POM121: variants seen among roughly 807,000 people sequenced by gnomAD.
POM121 encodes the protein nuclear envelope pore membrane protein POM 121.
A neutral mutation model predicts 81.3 loss-of-function variants in POM121; 32 were observed. That is an observed-to-expected ratio of 0.39 (90% CI 0.30 to 0.53). The LOEUF (loss-of-function observed/expected upper bound fraction) is 0.53. POM121 is among the 20% of genes least tolerant of loss of function. POM121 has a pLI of 0.66. For synonymous variants in POM121, 514 were observed against 694.2 expected, an observed-to-expected ratio of 0.74 and a Z score of 4.08; for missense variants, 1,138 against 1,614.6, an observed-to-expected ratio of 0.70 and a Z score of 5.06.
downstream of POM121, chr7:72,949,131 G>A (rs755563408): frequency 7.0e-7 from 1 of 1,436,058 alleles, no homozygotes; most frequent in Non-Finnish European, 9.8e-7. Flanking sequence ...CGGTTACACA[G>A]CTTCACAGGC....
chr7:72,907,891 T>G (rs1192220200), intron 3 of POM121, among the ~76,000 whole-genome samples: 1 of 152,222 alleles, frequency 6.6e-6, no homozygotes, highest in Non-Finnish European at 1.5e-5. Context: ...CGTTTGCTGT[T>G]GTCCCATTGT....
Position 72,926,325 on chromosome 7 carries a change from G to A in POM121, c.708G>A (p.Gln236=). The change falls in exon 2 of 13, where the codon CAG becomes CAA. Residue 236 remains glutamine (Q), a synonymous_variant. Transcript: ENST00000434423. ...CTAGAAGACGCTATCCGATCCATCA[G>A]GCCCAGTATTCCTGTCTGGGGGTAC... is the stretch of plus-strand genomic sequence containing the variant. ...ITPRRRYPIH[Q]AQYSCLGVLP... 1 of 1,610,016 alleles carries A rather than the reference G, an allele frequency of 6.2e-7. No homozygotes were observed. Among genetic ancestry groups the A allele is most frequent in the Non-Finnish European group, 8.5e-7 (1 of 1,177,870 alleles).
intron 5 of POM121, 59 bp from the exon 6 acceptor site, chr7:72,938,531 T>C: frequency 1.3e-6 from 2 of 1,524,010 alleles, no homozygotes; most frequent in Non-Finnish European, 1.8e-6. Context: ...GACTTTGTCG[T>C]GTTGAGGGTC....
At chr7:72,882,775 C>T (rs1368234744) in intron 1 of POM121, among the ~76,000 whole-genome samples, 1 of 152,222 alleles carries the variant, frequency 6.6e-6, no homozygotes, top group Admixed American at 6.5e-5. Context: ...TTCCTCATTT[C>T]TGTTTCTCAT....
chr7:72,899,508 C>T (rs1204765220), intron 3 of POM121, among the ~76,000 whole-genome samples: 2 of 151,534 alleles, frequency 1.3e-5, no homozygotes, highest in East Asian at 1.9e-4. Context: ...TGTTCCAGAT[C>T]ATGATTTCTC....
In POM121 at chr7:72,897,106, C is replaced by T. The variant is rs566985728; in HGVS notation, c.-216+5996C>T. Among the ~76,000 whole-genome samples, 302 of 150,974 alleles carry T rather than the reference C, an allele frequency of 2.0e-3. 1 individual carries two copies. The highest frequency in any genetic ancestry group is 6.6e-3 in the African/African-American group (272 of 41,146). The stretch of plus-strand genomic sequence containing the variant: ...GTCTAAGGTTGCAGTGAGCCGAGAT[C>T]GTGCCACTGTACTCCAGCCTGGGCA... On this transcript the variant is annotated intron_variant, in intron 3 of 15. Coordinates refer to the POM121 transcript ENST00000395270.
At chr7:72,891,100 A>T in exon 3 of POM121, 4 of 1,144,990 alleles carry the variant, frequency 3.5e-6, no homozygotes, top group South Asian at 2.6e-5. Flanking sequence ...TTCCATGTCA[A>T]CATAGTCCAG....
chr7:72,888,650 C>T lies in POM121; in HGVS notation c.-520-1977C>T, dbSNP rs553383189. On this transcript the variant is annotated intron_variant, in intron 1 of 15. Coordinates refer to the POM121 transcript ENST00000395270. ...CCCTGTTAAGTAAAATCCTGACTTT[C>T]GGACCGAGAAGACTGAGGCATAAGA... Among the ~76,000 whole-genome samples, 1,263 of 150,632 alleles carry T rather than the reference C, an allele frequency of 8.4e-3. 19 individuals carry two copies. The highest frequency in any genetic ancestry group is 0.028 in the African/African-American group (1,140 of 40,276).
upstream of POM121, chr7:72,924,710 C>T (rs1434691035): frequency 5.7e-6 from 1 of 176,944 alleles, no homozygotes; most frequent in Non-Finnish European, 1.2e-5. Flanking sequence ...AATCGTCCCA[C>T]GTTTTCAATT....
At chr7:72,880,605 C>T (rs1563127519) in intron 1 of POM121, among the ~76,000 whole-genome samples, 2 of 152,030 alleles carry the variant, frequency 1.3e-5, no homozygotes, top group Admixed American at 6.6e-5. Context: ...TAAGAAAATG[C>T]GGGCGGGATG....
At chr7:72,930,751 T>C (rs1292662034) in intron 5 of POM121, among the ~76,000 whole-genome samples, 1 of 152,138 alleles carries the variant, frequency 6.6e-6, no homozygotes, top group Admixed American at 6.5e-5. Context: ...CCCATCACTT[T>C]GGGAGGTCAA....
At chr7:72,903,830 T>G (rs1792954456) in intron 3 of POM121, among the ~76,000 whole-genome samples, 1 of 152,218 alleles carries the variant, frequency 6.6e-6, no homozygotes, top group Admixed American at 6.5e-5. Flanking sequence ...CACCTAGGCT[T>G]GAGTGCAGTG....
chr7:72,910,313 A>G (rs1291113876), intron 3 of POM121, among the ~76,000 whole-genome samples: 5 of 152,356 alleles, frequency 3.3e-5, no homozygotes, highest in Middle Eastern at 3.4e-3. Context: ...AAAAATATAT[A>G]TCAACTGTTC....
At chr7:72,937,673 G>A (rs1457039765) in intron 5 of POM121, among the ~76,000 whole-genome samples, 1 of 152,158 alleles carries the variant, frequency 6.6e-6, no homozygotes, top group Admixed American at 6.5e-5. Context: ...TTTTCAAGTA[G>A]GAAAGACGGT....
intron 3 of POM121, among the ~76,000 whole-genome samples, chr7:72,899,047 A>G (rs62463397): frequency 0.021 from 2,672 of 126,694 alleles, 41 homozygotes; most frequent in Non-Finnish European, 0.029. Context: ...GAGTTGTGCC[A>G]TCTCAGCTCA....
chr7:72,913,511 A>G (rs756709109), intron 3 of POM121, among the ~76,000 whole-genome samples: 19 of 152,206 alleles, frequency 1.2e-4, no homozygotes, highest in Non-Finnish European at 2.6e-4. Flanking sequence ...GTTTGGGAGC[A>G]GGGATTGGCT....
intron 4 of POM121, among the ~76,000 whole-genome samples, chr7:72,917,319 T>C (rs1241707380): frequency 2.6e-5 from 4 of 152,216 alleles, no homozygotes. Flanking sequence ...GCACCACAGC[T>C]TTTCTTCAGC....
chr7:72,945,994 T>C (rs1461746230), intron 12 of POM121, 143 bp from the exon 13 acceptor site: 16 of 1,444,874 alleles, frequency 1.1e-5, no homozygotes, highest in Non-Finnish European at 1.4e-5. Flanking sequence ...GCTTCTCCCG[T>C]ACAGTGTTTC....
Position 72,945,707 on chromosome 7 carries a change from C to A in POM121, c.3651C>A (p.Phe1217Leu). The change falls in exon 12 of 13, where the codon TTC becomes TTA. Residue 1217 changes from phenylalanine to leucine, a missense_variant and splice_region_variant. Coordinates refer to ENST00000434423, the MANE Select transcript of POM121 (RefSeq NM_001387691.1). ...PAQGFVGVAP[F>L]GSAALSFSIG... is the part of the protein sequence containing the mutation. ...AAGGCTTTGTTGGTGTTGCACCTTT[C>A]GGTAAGCAGCAAGCCACCCTGTGGC... The A allele has an allele frequency of 6.2e-7, 1 of 1,607,942 alleles. No homozygotes were observed. Among genetic ancestry groups the A allele is most frequent in the Non-Finnish European group, 8.5e-7 (1 of 1,177,188 alleles).
Sources: allele counts gnomAD v4.1 joint callset (sites outside exome capture counted in the v4.1 genomes callset), GRCh38; gene constraint gnomAD v4.1.1; transcripts MANE v1.5; gene names NCBI Gene and HGNC (gene_info 2026-07-23, HGNC 2026-07-21).